Variants in SUCLG2 observed in about 807,000 individuals in gnomAD.
The protein encoded by SUCLG2 is succinate-CoA ligase GDP-forming subunit beta.
A neutral mutation model predicts 47.9 loss-of-function variants in SUCLG2; 42 were observed. That is an observed-to-expected ratio of 0.88 (90% CI 0.69 to 1.14). The LOEUF is 1.14. SUCLG2 is among the 50% of genes most tolerant of loss of function. The pLI is 0.00. For synonymous variants in SUCLG2, 195 were observed against 197.3 expected (o/e 0.99, Z 0.10); for missense variants, 571 against 525.9 (o/e 1.09, Z -0.84).
chr3:67,487,579 TAGACAAAAAAAA>T (rs1705090394), intron 9 of SUCLG2, among the ~76,000 whole-genome samples: 1 of 147,956 alleles, frequency 6.8e-6, no homozygotes, highest in Non-Finnish European at 1.5e-5. Context: ...AATGGAAAAC[TAGACAAAAAAAA>T]AGAAAAGGCA....
At chr3:67,443,135 CTT>C (rs1361866986) in intron 9 of SUCLG2, among the ~76,000 whole-genome samples, 7 of 152,104 alleles carry the variant, frequency 4.6e-5, no homozygotes, top group African/African-American at 1.4e-4. Flanking sequence ...CTGGAGATGA[CTT>C]AAACTATAAA....
intron 4 of SUCLG2, among the ~76,000 whole-genome samples, chr3:67,524,514 C>T (rs1165413771): frequency 6.6e-6 from 1 of 152,126 alleles, no homozygotes; most frequent in African/African-American, 2.4e-5. Flanking sequence ...TCTCACAGGC[C>T]CTAGTACTAG....
intron 9 of SUCLG2, among the ~76,000 whole-genome samples, chr3:67,444,063 G>A (rs1361196613): frequency 1.9e-4 from 21 of 113,118 alleles, no homozygotes; most frequent in African/African-American, 6.3e-4. Context: ...GGGAGGTGGA[G>A]GGGTCAGCCC....
chr3:67,617,314 A>G (rs1241362039), intron 1 of SUCLG2, among the ~76,000 whole-genome samples: 1 of 152,250 alleles, frequency 6.6e-6, no homozygotes. Context: ...ATACGATGAC[A>G]ACAGCACGTC....
At chr3:67,508,272 G>A (rs77615744) in intron 7 of SUCLG2, among the ~76,000 whole-genome samples, 222 of 152,220 alleles carry the variant, frequency 1.5e-3, no homozygotes, top group African/African-American at 4.2e-3. Context: ...AAAGACGTTC[G>A]AAAAGTTCCA....
At chr3:67,511,654 T>C (rs538342192) in intron 6 of SUCLG2, among the ~76,000 whole-genome samples, 37 of 152,372 alleles carry the variant, frequency 2.4e-4, no homozygotes, top group African/African-American at 8.7e-4. Flanking sequence ...CGGGTATGTC[T>C]TTATTATCAG....
chr3:67,544,393 T>C (rs1706807137), intron 2 of SUCLG2, among the ~76,000 whole-genome samples: 1 of 152,080 alleles, frequency 6.6e-6, no homozygotes, highest in South Asian at 2.1e-4. Flanking sequence ...TGATAGTGGG[T>C]AAGTTCTTAC....
At chr3:67,470,569 T>C (rs1308033931) in intron 9 of SUCLG2, among the ~76,000 whole-genome samples, 2 of 152,082 alleles carry the variant, frequency 1.3e-5, no homozygotes, top group East Asian at 1.9e-4. Context: ...TTAGCTGGAG[T>C]GGGCTCCTGA....
At chr3:67,514,356 GAAAT>G (rs1397124319) in intron 6 of SUCLG2, 1 of 322,758 alleles carries the variant, frequency 3.1e-6, no homozygotes, top group African/African-American at 2.2e-5. Context: ...TATTCTTGCT[GAAAT>G]AAATCGTCTA....
At chr3:67,503,274 T>C (rs1705548575) in intron 7 of SUCLG2, among the ~76,000 whole-genome samples, 2 of 152,086 alleles carry the variant, frequency 1.3e-5, no homozygotes, top group Middle Eastern at 3.4e-3. Flanking sequence ...TATTTTATAG[T>C]GAAGGAGAAA....
At chr3:67,446,778 G>T (rs7612502) in intron 9 of SUCLG2, among the ~76,000 whole-genome samples, 37 of 151,960 alleles carry the variant, frequency 2.4e-4, no homozygotes, top group African/African-American at 8.7e-4. Context: ...CTCAAAGAAT[G>T]TTGGTCATTA....
At chr3:67,546,381 G>A (rs1706862829) in intron 2 of SUCLG2, among the ~76,000 whole-genome samples, 1 of 152,150 alleles carries the variant, frequency 6.6e-6, no homozygotes, top group African/African-American at 2.4e-5. Flanking sequence ...TATGAACCAA[G>A]CAGTCCTACA....
intron 9 of SUCLG2, among the ~76,000 whole-genome samples, chr3:67,455,533 G>A (rs559290321): frequency 6.6e-6 from 1 of 152,338 alleles, no homozygotes; most frequent in Admixed American, 6.5e-5. Flanking sequence ...ATGCTTGAAA[G>A]TGATATATAC....
intron 2 of SUCLG2, among the ~76,000 whole-genome samples, chr3:67,541,841 A>G (rs1406388137): frequency 6.6e-6 from 1 of 152,026 alleles, no homozygotes; most frequent in East Asian, 1.9e-4. Flanking sequence ...TGTAAGCTAG[A>G]ACAGAGAGGC....
intron 1 of SUCLG2, among the ~76,000 whole-genome samples, chr3:67,622,981 C>T (rs189549306): frequency 2.6e-4 from 39 of 152,280 alleles, no homozygotes; most frequent in Middle Eastern, 3.4e-3. Context: ...ATGTCAGGTT[C>T]ATGTTCATAA....
intron 2 of SUCLG2, among the ~76,000 whole-genome samples, chr3:67,543,656 C>A (rs1559565232): frequency 2.0e-5 from 3 of 152,118 alleles, no homozygotes; most frequent in Admixed American, 2.0e-4. Context: ...AAGAGTGAGA[C>A]CCTGTCTCAA....
At chr3:67,443,736 G>T (rs1194452643) in intron 9 of SUCLG2, among the ~76,000 whole-genome samples, 1 of 91,106 alleles carries the variant, frequency 1.1e-5, no homozygotes, top group Non-Finnish European at 2.5e-5. Flanking sequence ...GCCTCTGCCC[G>T]GCCGAGACCC....
chr3:67,377,853 C>G (rs1006020509), intron 10 of SUCLG2, among the ~76,000 whole-genome samples: 26 of 152,194 alleles, frequency 1.7e-4, no homozygotes, highest in African/African-American at 6.3e-4. Flanking sequence ...GGGGTTTTTC[C>G]ACATTGCCCA....
intron 2 of SUCLG2, among the ~76,000 whole-genome samples, chr3:67,532,972 A>AGGGAAAAAAATCAAATCATT (rs1315216707): frequency 6.6e-6 from 1 of 152,142 alleles, no homozygotes; most frequent in African/African-American, 2.4e-5. Context: ...GTAGGTCTAA[A>AGGGAAAAAAATCAAATCATT]GGGAAAAAAA....
Sources: allele counts gnomAD v4.1 joint callset (sites outside exome capture counted in the v4.1 genomes callset), GRCh38; gene constraint gnomAD v4.1.1; transcripts MANE v1.5; gene names NCBI Gene and HGNC (gene_info 2026-07-23, HGNC 2026-07-21).